Variants in LAT2 observed in about 807,000 individuals in gnomAD.
LAT2 encodes linker for activation of T-cells family member 2.
In LAT2, 23 loss-of-function variants were observed where a neutral mutation model predicts 43.4. The ratio of observed to expected loss-of-function variants is 0.53; its 90% CI spans 0.38 to 0.75. The LOEUF is 0.75. Ranked by LOEUF, LAT2 falls within the 30% of genes least tolerant of loss-of-function variation. The pLI is 0.00. For missense variants in LAT2, 284 were observed against 310.2 expected, an observed-to-expected ratio of 0.92 and a Z score of 0.64; for synonymous variants, 128 against 123.2, an observed-to-expected ratio of 1.04 and a Z score of -0.26.
chr7:74,213,421 A>T (rs375270056), intron 1 of LAT2, among the ~76,000 whole-genome samples: 11,060 of 103,308 alleles, frequency 0.11, 508 homozygotes, highest in African/African-American at 0.13. Context: ...GTGCCCGGCC[A>T]TTTTTTTTTT....
At chr7:74,223,615 C>T in intron 10 of LAT2, 109 bp from the exon 11 acceptor site, 1 of 1,033,748 alleles carries the variant, frequency 9.7e-7, no homozygotes, top group Non-Finnish European at 1.5e-6. Context: ...AGGGCTAGGG[C>T]TTGGCGGAAG....
At chr7:74,223,489 CAAGA>C (rs1237591352) in intron 10 of LAT2, among the ~76,000 whole-genome samples, 1 of 152,066 alleles carries the variant, frequency 6.6e-6, no homozygotes, top group Non-Finnish European at 1.5e-5. Flanking sequence ...ACCGTCTCAA[CAAGA>C]AACAAAGAAG....
intron 1 of LAT2, among the ~76,000 whole-genome samples, chr7:74,212,593 A>G (rs1315971953): frequency 6.6e-6 from 1 of 152,154 alleles, no homozygotes; most frequent in Non-Finnish European, 1.5e-5. Flanking sequence ...TTTATAGATG[A>G]GAAAACTGAG....
Position 74,220,197 on chromosome 7 carries a change from C to A in LAT2, c.228-20C>A. ...CCCCTACAGCCCCTCCTTTAACTCC[C>A]TCCTTCCCCCTCCCTGCAGGAAGGA... On this transcript the variant is annotated intron_variant, in intron 6 of 13. Transcript: ENST00000460943. This position sits in a 1 kb window ranked among gnomAD's most constrained non-coding sequence, Gnocchi z 4.5. The A allele has an allele frequency of 6.3e-7, 1 of 1,598,442 alleles. No individual in the cohort carries two copies. The highest frequency in any genetic ancestry group is 1.3e-5 in the African/African-American group (1 of 74,722).
rs149564251 is a variant in LAT2, at chr7:74,216,825, G to T, written c.95G>T (p.Gly32Val). 519 of 1,613,814 alleles carry T rather than the reference G, an allele frequency of 3.2e-4. 1 individual carries two copies. In the African/African-American group the frequency reaches 6.4e-3, roughly 20 times the overall value. ...ASLCVRCSRP[G>V]AKRSEKIYQQ... ...TGCTAATCCTGGCCTTTTCTTGCAG[G>T]TGCAAAGAGGTCAGAGAAAATCTAC... The change falls in exon 4 of 14, where the codon GGT (glycine) becomes GTT (valine). Residue 32 changes from glycine (G) to valine (V), a missense_variant and splice_region_variant. Transcript: ENST00000460943.
chr7:74,220,793 C>A lies in LAT2; in HGVS notation c.332+59C>A. On this transcript the variant is annotated intron_variant, in intron 9 of 13. Transcript: ENST00000460943. This position sits in a 1 kb window ranked among gnomAD's most constrained non-coding sequence, Gnocchi z 4.5. Reference sequence around the variant, plus strand: ...CCTCTCCCCCTGCCCCACCTCTCCCCCTGCCCCACCTCTCCCCCTGCCCCA... The same window carrying A: ...CCTCTCCCCCTGCCCCACCTCTCCCACTGCCCCACCTCTCCCCCTGCCCCA... 1 of 1,403,392 alleles carries A rather than the reference C, an allele frequency of 7.1e-7. No homozygotes were observed. Among genetic ancestry groups the A allele is most frequent in the South Asian group, 1.4e-5 (1 of 70,968 alleles). The allele number at this position is 1,403,392 out of a possible 1,614,324, so 86.9% of individuals were successfully genotyped here. A position where few individuals can be genotyped will look rare whatever the true frequency, so the allele number is the denominator to read the frequency against.
intron 12 of LAT2, among the ~76,000 whole-genome samples, 176 bp from the exon 13 acceptor site, chr7:74,224,448 TTCACCTGCTCTCACA>T (rs1802409527): frequency 6.6e-6 from 1 of 152,196 alleles, no homozygotes; most frequent in South Asian, 2.1e-4. Context: ...GAGTAACGCA[TTCACCTGCTCTCACA>T]GCAGGACGAT....
chr7:74,219,775 C>T lies in LAT2; in HGVS notation c.166C>T (p.Arg56Trp), dbSNP rs782685841. Reference protein sequence around the residue: ...REDQQSFTGSRTYSLVGQAWP... With the variant: ...REDQQSFTGSWTYSLVGQAWP... The stretch of plus-strand genomic sequence containing the variant: ...GGACCAACAGAGCTTTACGGGGTCC[C>T]GGACCTACTCCTGTGAGTCTCCAAG... Residue 56 changes from arginine (R) to tryptophan (W), a missense_variant, in exon 5 of 14, where the codon CGG becomes TGG. By Grantham distance (101) the Arg-to-Trp change is moderately radical (BLOSUM62 -3). Transcript: ENST00000460943. 19 of 1,613,996 alleles carry T rather than the reference C, an allele frequency of 1.2e-5. No individual in the cohort carries two copies. In the South Asian group the frequency reaches 1.2e-4, roughly 10 times the overall value.
In LAT2 at chr7:74,224,048, G is replaced by A; in HGVS notation, c.479G>A (p.Cys160Tyr). ...CAGCAGGAGGGCATAGGTGGCCTCT[G>A]CAGAGGGGACCTCAGCCTGTCACTG... ...GAQQEGIGGL[C>Y]RGDLSLSLAL... Residue 160 changes from cysteine (C) to tyrosine (Y), a missense_variant, in exon 12 of 14, where the codon TGC becomes TAC. By Grantham distance (194) the Cys-to-Tyr change is radical. Coordinates refer to ENST00000460943, the MANE Select transcript of LAT2 (RefSeq NM_032464.3). 2 of 1,614,116 alleles carry A rather than the reference G, an allele frequency of 1.2e-6. No homozygotes were observed. The highest frequency in any genetic ancestry group is 1.3e-5 in the African/African-American group (1 of 75,062).
At chr7:74,218,091 T>C (rs913660142) in intron 4 of LAT2, among the ~76,000 whole-genome samples, 1 of 151,468 alleles carries the variant, frequency 6.6e-6, no homozygotes, top group East Asian at 2.0e-4. Flanking sequence ...CTTAGAGCCA[T>C]AGATGGTCAG....
intron 13 of LAT2, chr7:74,225,331 T>C (rs1284801341): frequency 6.5e-6 from 1 of 153,094 alleles, no homozygotes; most frequent in Non-Finnish European, 1.5e-5. Flanking sequence ...AAGGCGGAGG[T>C]TGCGGTGAGT....
rs782318010 is a variant in LAT2, at chr7:74,219,767, C to CG, written c.162dup (p.Ser55ValfsTer77). On this transcript the variant is annotated frameshift_variant, in exon 5 of 14. Transcript: ENST00000460943. LOFTEE classifies it high-confidence loss of function. Reference sequence around the variant, plus strand: ...AGGCGTGAGGACCAACAGAGCTTTACGGGGTCCCGGACCTACTCCTGTGAG... The same window carrying CG: ...AGGCGTGAGGACCAACAGAGCTTTACGGGGGTCCCGGACCTACTCCTGTGAG... 1.2e-6 allele frequency: 2 copies of CG among 1,614,034 alleles called. No homozygotes were observed. Among genetic ancestry groups the CG allele is most frequent in the Non-Finnish European group, 1.7e-6 (2 of 1,180,040 alleles).
chr7:74,221,873 G>T (rs927947165), intron 10 of LAT2, among the ~76,000 whole-genome samples, 181 bp downstream of exon 10: 1 of 150,698 alleles, frequency 6.6e-6, no homozygotes, highest in Non-Finnish European at 1.5e-5. Flanking sequence ...GGGCGGGCGG[G>T]TCAGCGTGGG....
intron 13 of LAT2, among the ~76,000 whole-genome samples, chr7:74,228,332 C>T (rs1364540076): frequency 2.8e-5 from 4 of 143,110 alleles, no homozygotes; most frequent in South Asian, 2.2e-4. Context: ...AAAAATTAGC[C>T]GGGCATGGTG....
intron 3 of LAT2, 65 bp downstream of exon 3, chr7:74,216,134 C>A: frequency 7.4e-7 from 1 of 1,357,086 alleles, no homozygotes; most frequent in Non-Finnish European, 1.0e-6. Flanking sequence ...GAGGCCCTCT[C>A]AGGCCCAGAC....
rs1554715746 is a variant in LAT2 at position 74,224,209 on chromosome 7, G to A, written c.628+12G>A. 6.2e-7 allele frequency: 1 copy of A among 1,611,018 alleles called. No individual in the cohort carries two copies. Among genetic ancestry groups the A allele is most frequent in the Admixed American group, 1.7e-5 (1 of 60,020 alleles). On this transcript the variant is annotated intron_variant, in intron 12 of 13. Coordinates refer to ENST00000460943, the MANE Select transcript of LAT2 (RefSeq NM_032464.3). The stretch of plus-strand genomic sequence containing the variant: ...CAGGAAGGTCATGGGTAGGTGGCCG[G>A]GAGAAGAGGCAGGGTGGTCCACTTA...
rs782256015 is a variant in LAT2 at position 74,219,994 on chromosome 7, C to G, written c.213C>G (p.Asp71Glu). 30 of 1,613,578 alleles carry G rather than the reference C, an allele frequency of 1.9e-5. No homozygotes were observed. The highest frequency in any genetic ancestry group is 1.7e-4 in the Middle Eastern group (1 of 6,056). The change falls in exon 6 of 14, where the codon GAC becomes GAG. Residue 71 changes from aspartate to glutamate, a missense_variant. Asp to Glu is a conservative substitution (Grantham distance 45, BLOSUM62 2). Coordinates refer to ENST00000460943, the MANE Select transcript of LAT2 (RefSeq NM_032464.3). The stretch of plus-strand genomic sequence containing the variant: ...AGGCATGGCCAGGACCCCTGGCGGA[C>G]ATGGCACCCACAAGGTAGGTCACAG... The part of the protein sequence containing the change: ...VGQAWPGPLA[D>E]MAPTRKDKLL...
intron 1 of LAT2, among the ~76,000 whole-genome samples, chr7:74,211,799 C>G (rs1026302933): frequency 1.6e-4 from 24 of 152,016 alleles, no homozygotes; most frequent in African/African-American, 5.8e-4. Flanking sequence ...ACCATGTTGG[C>G]CAGGCTGGTC....
chr7:74,214,764 CAT>C (rs1237994792), intron 1 of LAT2, 56 bp from the exon 2 acceptor site: 2 of 61,200 alleles, frequency 3.3e-5, no homozygotes, highest in Non-Finnish European at 5.3e-5. Context: ...TATATATAAA[CAT>C]ATATATATAA....
Sources: gnomAD v4.1 joint callset for allele counts (sites outside exome capture counted in the v4.1 genomes callset) on GRCh38, gnomAD v4.1.1 for gene constraint, Gnocchi (gnomAD v3.1) non-coding constraint, MANE v1.5 for transcripts, NCBI Gene and HGNC (gene_info 2026-07-23, HGNC 2026-07-21) for gene names.